Variants in SMG6 observed in about 807,000 individuals in gnomAD.
The protein encoded by SMG6 is telomerase-binding protein EST1A.
A neutral mutation model predicts 142.2 loss-of-function variants in SMG6; 66 were observed. That is an observed-to-expected ratio of 0.46 (90% CI 0.38 to 0.57). SMG6 has a LOEUF of 0.57. Among genes scored for constraint, SMG6 ranks in the 20% least tolerant of loss-of-function variants. The pLI is 0.00. For synonymous variants in SMG6, 779 were observed against 702.4 expected, an observed-to-expected ratio of 1.11 and a Z score of -1.72; for missense variants, 1,793 against 1,832.0, an observed-to-expected ratio of 0.98 and a Z score of 0.39.
At chr17:2,113,358 G>A (rs764885046) in intron 13 of SMG6, among the ~76,000 whole-genome samples, 1 of 152,162 alleles carries the variant, frequency 6.6e-6, no homozygotes, top group Non-Finnish European at 1.5e-5. Context: ...TAACAGGCAT[G>A]AGCCACTATG....
Position 2,068,962 on chromosome 17 carries a change from C to G in SMG6, c.3682-31G>C. The G allele has an allele frequency of 1.2e-6, 2 of 1,609,588 alleles. No individual in the cohort carries two copies. Among genetic ancestry groups the G allele is most frequent in the Non-Finnish European group, 1.7e-6 (2 of 1,176,786 alleles). Reference sequence around the variant, plus strand: ...GGGACAGAGTGGTGAATGAGCCAGACAGCGAGCAGGCAAGCAGGTGGGTGA... The same window carrying G: ...GGGACAGAGTGGTGAATGAGCCAGAGAGCGAGCAGGCAAGCAGGTGGGTGA... On this transcript the variant is annotated intron_variant, in intron 15 of 18. Coordinates refer to ENST00000263073, the MANE Select transcript of SMG6 (RefSeq NM_017575.5). This position sits in a 1 kb window ranked among gnomAD's most constrained non-coding sequence, Gnocchi z 6.7.
At chr17:2,076,714 G>A (rs900942013) in intron 15 of SMG6, among the ~76,000 whole-genome samples, 4 of 152,246 alleles carry the variant, frequency 2.6e-5, no homozygotes, top group Admixed American at 2.0e-4. Context: ...GAAGGGAAGG[G>A]GGGAATTTTT....
chr17:2,249,145 G>A (rs1004901732), intron 8 of SMG6, among the ~76,000 whole-genome samples: 4 of 151,346 alleles, frequency 2.6e-5, no homozygotes, highest in Non-Finnish European at 4.4e-5. Flanking sequence ...CGCCCGCCTT[G>A]GCCTCCCAAA....
intron 16 of SMG6, among the ~76,000 whole-genome samples, chr17:2,066,333 TGTGTATGC>T (rs2067946640): frequency 6.6e-6 from 1 of 151,658 alleles, no homozygotes; most frequent in African/African-American, 2.4e-5. Context: ...CATGTGTGTA[TGTGTATGC>T]GTGTATGTGT....
chr17:2,284,704 G>C (rs940829073), intron 6 of SMG6, among the ~76,000 whole-genome samples: 1 of 152,206 alleles, frequency 6.6e-6, no homozygotes, highest in East Asian at 1.9e-4. Context: ...CAGTGCCTGA[G>C]TCTGAATTCG....
intron 10 of SMG6, among the ~76,000 whole-genome samples, chr17:2,198,460 C>T (rs915651116): frequency 3.9e-5 from 6 of 152,088 alleles, no homozygotes; most frequent in South Asian, 4.1e-4. Flanking sequence ...TAAAATTGCA[C>T]AGAACCCCAC....
intron 13 of SMG6, among the ~76,000 whole-genome samples, chr17:2,140,835 C>T (rs867545204): frequency 1.1e-4 from 17 of 151,978 alleles, no homozygotes; most frequent in African/African-American, 3.9e-4. Context: ...CTGCTTTTTA[C>T]AGAAGCCTTG....
intron 8 of SMG6, among the ~76,000 whole-genome samples, chr17:2,270,302 T>G (rs977065438): frequency 3.9e-5 from 6 of 152,200 alleles, no homozygotes; most frequent in African/African-American, 1.4e-4. Flanking sequence ...ACATAATATA[T>G]GACCTACTGA....
chr17:2,299,347 G>C lies in SMG6; in HGVS notation c.1406C>G (p.Thr469Ser). The C allele has an allele frequency of 6.2e-7, 1 of 1,614,052 alleles. No individual in the cohort carries two copies. Among genetic ancestry groups the C allele is most frequent in the Non-Finnish European group, 8.5e-7 (1 of 1,180,026 alleles). Residue 469 changes from threonine to serine, a missense_variant, in exon 2 of 19, where the codon ACT (threonine) becomes AGT (serine). Thr to Ser is a moderately conservative substitution (Grantham distance 58). Around this residue, in one of 3 missense-constraint regions of SMG6, gnomAD observed 1,597 missense variants for 1,584.6 expected, o/e 1.01. Coordinates refer to ENST00000263073, the MANE Select transcript of SMG6 (RefSeq NM_017575.5). This position sits in a 1 kb window ranked among gnomAD's most constrained non-coding sequence, Gnocchi z 4.3. The stretch of plus-strand genomic sequence containing the variant: ...CAAGAAATGTAGCTGGGGCGTCTGA[G>C]TCTTTAGAGCAGGTTTCTGATCAGG... ...NNPDQKPALK[T>S]QTPQLHFLDT...
In SMG6 at chr17:2,283,517, A is replaced by G. The variant is rs142147368; in HGVS notation, c.2448+108T>C. On this transcript the variant is annotated intron_variant, in intron 7 of 18. Transcript: ENST00000263073. ...ACACTGAGCAATAACTGCACCTTGGATAAACCTCACTGGCTACGATCCTGC... is the reference window on the plus strand; with the variant it reads ...ACACTGAGCAATAACTGCACCTTGGGTAAACCTCACTGGCTACGATCCTGC... The G allele has an allele frequency of 2.7e-4, 233 of 868,298 alleles. No homozygotes were observed. The East Asian group carries it at 5.6e-3, about 21-fold the overall frequency. The allele number at this position is 868,298 out of a possible 1,614,324, so 53.8% of individuals were successfully genotyped here. A position where few individuals can be genotyped will look rare whatever the true frequency, so the allele number is the denominator to read the frequency against.
chr17:2,130,025 T>G, intron 13 of SMG6, among the ~76,000 whole-genome samples: 1 of 151,410 alleles, frequency 6.6e-6, no homozygotes, highest in South Asian at 2.1e-4. Flanking sequence ...TTTGGGAGGC[T>G]GAGGCGAGTG....
intron 9 of SMG6, chr17:2,240,300 C>T (rs150758870): frequency 1.3e-5 from 2 of 152,226 alleles, no homozygotes; most frequent in Non-Finnish European, 2.9e-5. Context: ...CGGTGACTAA[C>T]CGAGCAGGAC....
intron 13 of SMG6, among the ~76,000 whole-genome samples, chr17:2,115,070 G>A (rs563648718): frequency 1.2e-4 from 18 of 152,076 alleles, no homozygotes; most frequent in African/African-American, 4.3e-4. Context: ...GCAGGTATTT[G>A]TGGCTGCTAA....
chr17:2,292,896 T>C lies in SMG6; in HGVS notation c.2233A>G (p.Thr745Ala). ...IARYREQASD[T>A]ANYGKARSWY... Reference sequence around the variant, plus strand: ...CTGCGTGCTTTCCCATAATTCGCTGTATCACTGGCTTGCTCCCGGTACCTA... The same window carrying C: ...CTGCGTGCTTTCCCATAATTCGCTGCATCACTGGCTTGCTCCCGGTACCTA... The change falls in exon 5 of 19, where the codon ACA (threonine) becomes GCA (alanine). Residue 745 changes from threonine to alanine, a missense_variant. This residue lies in a region of SMG6 where 1,597 missense variants were observed against 1,584.6 expected (regional missense o/e 1.01). Coordinates refer to ENST00000263073, the MANE Select transcript of SMG6 (RefSeq NM_017575.5). 5 of 1,614,086 alleles carry C rather than the reference T, an allele frequency of 3.1e-6. No homozygotes were observed. The highest frequency in any genetic ancestry group is 4.2e-6 in the Non-Finnish European group (5 of 1,179,958).
chr17:2,245,393 T>C lies in SMG6; in HGVS notation c.2662-674A>G, dbSNP rs150172387. Among the ~76,000 whole-genome samples the C allele has an allele frequency of 6.6e-5, 10 of 152,232 alleles. No homozygotes were observed. In the East Asian group the frequency reaches 1.7e-3, roughly 27 times the overall value. On this transcript the variant is annotated intron_variant, in intron 8 of 18. Transcript: ENST00000263073. ...GAAACTGCAATCTGGGTTTTTTTGT[T>C]TTTGTTTTTTGAGACAGAATCTTGC...
Position 2,085,769 on chromosome 17 carries a change from C to T in SMG6, c.3490G>A (p.Gly1164Arg). 1 of 1,614,188 alleles carries T rather than the reference C, an allele frequency of 6.2e-7. No homozygotes were observed. Among genetic ancestry groups the T allele is most frequent in the Non-Finnish European group, 8.5e-7 (1 of 1,180,030 alleles). The change falls in exon 14 of 19, where the codon GGA becomes AGA. Residue 1164 changes from glycine to arginine, a missense_variant. Physicochemically the swap from Gly to Arg is moderately radical, Grantham distance 125. Coordinates refer to ENST00000263073, the MANE Select transcript of SMG6 (RefSeq NM_017575.5). The surrounding 1 kb of genome is among the most constrained non-coding windows in gnomAD (Gnocchi z 4.1). ...VSVAPVPDTM[G>R]KEMGSQEGTR... ...CCCTCTTGGCTTCCCATTTCCTTTC[C>T]CATGGTGTCTGGGACGGGTGCCACT...
intron 13 of SMG6, among the ~76,000 whole-genome samples, chr17:2,134,527 G>A (rs1317446884): frequency 6.7e-6 from 1 of 148,178 alleles, no homozygotes; most frequent in Non-Finnish European, 1.5e-5. Flanking sequence ...GCTGATGTAA[G>A]TTTTATCTAT....
At chr17:2,179,808 A>G (rs2071752620) in intron 12 of SMG6, among the ~76,000 whole-genome samples, 1 of 152,234 alleles carries the variant, frequency 6.6e-6, no homozygotes, top group Admixed American at 6.5e-5. Flanking sequence ...CTATTTTCCT[A>G]TCCTCATTCG....
chr17:2,067,076 C>G (rs1004863096), intron 16 of SMG6, among the ~76,000 whole-genome samples: 2 of 152,198 alleles, frequency 1.3e-5, no homozygotes, highest in African/African-American at 4.8e-5. Flanking sequence ...AGTCCAGGAG[C>G]CTGCCCAGCT....
Sources: allele counts gnomAD v4.1 joint callset (sites outside exome capture counted in the v4.1 genomes callset), GRCh38; gene constraint gnomAD v4.1.1; regional missense constraint gnomAD v4.1.1; non-coding constraint Gnocchi (gnomAD v3.1); transcripts MANE v1.5; gene names NCBI Gene and HGNC (gene_info 2026-07-23, HGNC 2026-07-21).